ANOS1: variants seen among roughly 807,000 people sequenced by gnomAD.
ANOS1 encodes the protein anosmin 1.
A neutral mutation model predicts 59.0 loss-of-function variants in ANOS1; 6 were observed. That is an observed-to-expected ratio of 0.10 (90% confidence interval 0.06 to 0.20). ANOS1 has a LOEUF of 0.20. ANOS1 is among the 10% of genes least tolerant of loss of function. ANOS1 has a pLI of 1.00. For synonymous variants in ANOS1, 217 were observed against 223.4 expected (o/e 0.97, Z 0.25); for missense variants, 433 against 542.3 (o/e 0.80, Z 2.00).
chrX:8,573,461 C>T (rs192692685), intron 6 of ANOS1, among the ~76,000 whole-genome samples: 48 of 111,066 alleles, frequency 4.3e-4, no homozygotes, highest in African/African-American at 1.5e-3. Context: ...GAGTGTTCTG[C>T]ATCTGAATTC....
chrX:8,674,161 A>T (rs748472954), intron 2 of ANOS1, among the ~76,000 whole-genome samples: 39 of 111,984 alleles, frequency 3.5e-4, no homozygotes, highest in African/African-American at 1.3e-3. Flanking sequence ...TCTTTTTGAC[A>T]TAGAAATAAT....
intron 9 of ANOS1, among the ~76,000 whole-genome samples, chrX:8,545,258 CAA>C (rs1178222498): frequency 1.7e-4 from 5 of 28,595 alleles, no homozygotes; most frequent in Non-Finnish European, 1.6e-4. Context: ...GTCTCTATGA[CAA>C]AAAAAAAAAA....
chrX:8,660,174 C>T (rs1386215944), intron 2 of ANOS1, among the ~76,000 whole-genome samples: 1 of 111,378 alleles, frequency 9.0e-6, no homozygotes, highest in Non-Finnish European at 1.9e-5. Flanking sequence ...TAATGACTTC[C>T]GAGGCAGCTC....
intron 2 of ANOS1, among the ~76,000 whole-genome samples, chrX:8,675,887 T>G (rs1341819115): frequency 1.3e-5 from 1 of 75,469 alleles, no homozygotes; most frequent in Non-Finnish European, 2.3e-5. Context: ...GGCCCCAGTG[T>G]GTGTTATTCC....
Position 8,597,043 on chromosome X carries a change from G to C in ANOS1, c.532C>G (p.Leu178Val). 2 of 1,211,742 alleles carry C rather than the reference G, an allele frequency of 1.7e-6. No individual in the cohort carries two copies. The highest frequency in any genetic ancestry group is 2.2e-6 in the Non-Finnish European group (2 of 895,565). Reference sequence around the variant, plus strand: ...CAGTGCTGCCCCTTACCTTTGTACAGAGTCTTGGGTACTTGACAGGTGTGT... The same window carrying C: ...CAGTGCTGCCCCTTACCTTTGTACACAGTCTTGGGTACTTGACAGGTGTGT... ...CGHTCQVPKT[L>V]YKGVPLKPRK... The change falls in exon 4 of 14, where the codon CTG (leucine) becomes GTG (valine). Residue 178 changes from leucine to valine, a missense_variant. Physicochemically the swap from Leu to Val is conservative, Grantham distance 32. Transcript: ENST00000262648.
intron 9 of ANOS1, among the ~76,000 whole-genome samples, chrX:8,540,427 C>T (rs1196558634): frequency 3.6e-5 from 4 of 111,056 alleles, no homozygotes; most frequent in African/African-American, 1.3e-4. Flanking sequence ...TGTTCTCAAA[C>T]ACAGGCCAGA....
At chrX:8,679,093 C>G (rs1319957122) in intron 2 of ANOS1, among the ~76,000 whole-genome samples, 3 of 111,568 alleles carry the variant, frequency 2.7e-5, no homozygotes, top group Non-Finnish European at 3.8e-5. Context: ...TGTCAGGCAT[C>G]TGTTAGGTTC....
intron 1 of ANOS1, among the ~76,000 whole-genome samples, chrX:8,724,727 G>A (rs1415710726): frequency 8.9e-6 from 1 of 111,876 alleles, no homozygotes; most frequent in African/African-American, 3.3e-5. Context: ...AGAAGGAATT[G>A]GTGTATATCA....
intron 2 of ANOS1, among the ~76,000 whole-genome samples, chrX:8,680,519 G>A (rs1932408991): frequency 9.0e-6 from 1 of 111,671 alleles, no homozygotes; most frequent in Non-Finnish European, 1.9e-5. Context: ...TTTTGTTGGT[G>A]AGGAAAAGTT....
rs1932764032 is a variant in ANOS1, at chrX:8,702,980, A to T, written c.208-3235T>A. ...AATCCTTGACATGGGCACAGGTGAG[A>T]CCTCCTTCCCTTCTGGATGTTTCTT... On this transcript the variant is annotated intron_variant, in intron 1 of 13. Transcript: ENST00000262648. Among the ~76,000 whole-genome samples the T allele has an allele frequency of 2.7e-5, 3 of 111,416 alleles. No individual in the cohort carries two copies. The Admixed American group carries it at 2.9e-4, about 11-fold the overall frequency.
intron 8 of ANOS1, among the ~76,000 whole-genome samples, chrX:8,563,722 A>C (rs147065115): frequency 0.013 from 1,494 of 112,235 alleles, 11 homozygotes; most frequent in Non-Finnish European, 0.019. Flanking sequence ...GTTGCAGTCA[A>C]TTTACTGAGC....
intron 2 of ANOS1, among the ~76,000 whole-genome samples, chrX:8,672,092 A>G (rs1186459617): frequency 9.0e-6 from 1 of 111,229 alleles, no homozygotes; most frequent in African/African-American, 3.3e-5. Context: ...CTTAAATTTC[A>G]TTAAAAAATC....
chrX:8,661,405 G>A (rs1932036893), intron 2 of ANOS1, among the ~76,000 whole-genome samples: 1 of 111,562 alleles, frequency 9.0e-6, no homozygotes, highest in African/African-American at 3.3e-5. Flanking sequence ...GTACATGTCT[G>A]TGTCCTCATC....
chrX:8,536,819 C>G lies in ANOS1; in HGVS notation c.1573G>C (p.Ala525Pro). 1 of 1,209,397 alleles carries G rather than the reference C, an allele frequency of 8.3e-7. No individual in the cohort carries two copies. Among genetic ancestry groups the G allele is most frequent in the Non-Finnish European group, 1.1e-6 (1 of 893,951 alleles). ...GGCTTGTGGCTCTTCCCCTTAAGAG[C>G]AGAGCATGGTGGAGTAGTGAAGAAA... The part of the protein sequence containing the change: ...AVFFTTPPCS[A>P]LKGKSHKPVG... Residue 525 changes from alanine to proline, a missense_variant, in exon 11 of 14, where the codon GCT becomes CCT. Transcript: ENST00000262648.
At chrX:8,660,915 A>G (rs1243369698) in intron 2 of ANOS1, among the ~76,000 whole-genome samples, 1 of 112,127 alleles carries the variant, frequency 8.9e-6, no homozygotes, top group Non-Finnish European at 1.9e-5. Context: ...ACTACACATT[A>G]CAGCAGTACA....
chrX:8,597,018 C>T lies in ANOS1; in HGVS notation c.541+16G>A. On this transcript the variant is annotated intron_variant, in intron 4 of 13. Transcript: ENST00000262648. ...GACACTGCATGTGTCTTCACACCCCCAGTGCTGCCCCTTACCTTTGTACAG... is the reference window on the plus strand; with the variant it reads ...GACACTGCATGTGTCTTCACACCCCTAGTGCTGCCCCTTACCTTTGTACAG... The T allele has an allele frequency of 8.3e-7, 1 of 1,211,573 alleles. No individual in the cohort carries two copies. The highest frequency in any genetic ancestry group is 1.1e-6 in the Non-Finnish European group (1 of 895,475).
intron 2 of ANOS1, among the ~76,000 whole-genome samples, chrX:8,687,593 A>AACACACACACACAC (rs58384646): frequency 3.1e-5 from 3 of 95,662 alleles, no homozygotes; most frequent in African/African-American, 1.2e-4. Context: ...TAATCCAGTA[A>AACACACACACACAC]ACACACACAC....
intron 5 of ANOS1, among the ~76,000 whole-genome samples, chrX:8,586,420 T>C (rs1369475901): frequency 1.8e-5 from 2 of 112,326 alleles, no homozygotes; most frequent in Non-Finnish European, 3.8e-5. Context: ...ACTTCATCAT[T>C]TAGAGTTTCA....
intron 2 of ANOS1, among the ~76,000 whole-genome samples, chrX:8,669,979 GA>G (rs1256950403): frequency 8.9e-6 from 1 of 112,062 alleles, no homozygotes; most frequent in African/African-American, 3.2e-5. Context: ...CAGCTGACAT[GA>G]AGGTAGCTTG....
Sources: gnomAD v4.1 joint callset for allele counts (sites outside exome capture counted in the v4.1 genomes callset) on GRCh38, gnomAD v4.1.1 for gene constraint, MANE v1.5 for transcripts, NCBI Gene and HGNC (gene_info 2026-07-23, HGNC 2026-07-21) for gene names.